The following MAGI1 variants were observed in gnomAD, a reference collection of about 807,000 sequenced individuals.
The protein encoded by MAGI1 is membrane-associated guanylate kinase, WW and PDZ domain-containing protein 1.
In MAGI1, 58 loss-of-function variants were observed where a neutral mutation model predicts 139.9. That is an observed-to-expected ratio of 0.41 (90% confidence interval 0.34 to 0.52). MAGI1 has a LOEUF of 0.52. MAGI1 is among the 20% of genes least tolerant of loss of function. MAGI1 has a pLI of 0.12. For synonymous variants in MAGI1, 812 were observed against 737.9 expected (o/e 1.10, Z -1.63); for missense variants, 1,874 against 1,901.6 (o/e 0.99, Z 0.27).
At chr3:65,965,992 C>T (rs1228590624) in intron 1 of MAGI1, among the ~76,000 whole-genome samples, 2 of 152,162 alleles carry the variant, frequency 1.3e-5, no homozygotes, top group Non-Finnish European at 2.9e-5. Flanking sequence ...TGGGTTACTT[C>T]TCAGAGATAG....
chr3:65,977,846 T>A (rs1242746567), intron 1 of MAGI1, among the ~76,000 whole-genome samples: 1 of 152,168 alleles, frequency 6.6e-6, no homozygotes, highest in Non-Finnish European at 1.5e-5. Context: ...TGCCACGTTC[T>A]TTGCCGCCTC....
intron 1 of MAGI1, among the ~76,000 whole-genome samples, chr3:65,671,689 C>T (rs1465358136): frequency 1.3e-5 from 2 of 152,060 alleles, no homozygotes; most frequent in African/African-American, 4.8e-5. Flanking sequence ...AGTTACTTGC[C>T]CTCTCTGTGC....
At chr3:65,930,834 G>A (rs930569256) in intron 1 of MAGI1, among the ~76,000 whole-genome samples, 3 of 152,148 alleles carry the variant, frequency 2.0e-5, no homozygotes, top group Non-Finnish European at 2.9e-5. Flanking sequence ...AAATGCCATG[G>A]CAACGTCAGG....
chr3:65,775,502 C>CCAAA (rs2038326282), intron 1 of MAGI1, among the ~76,000 whole-genome samples: 1 of 36,594 alleles, frequency 2.7e-5, no homozygotes, highest in Non-Finnish European at 4.5e-5. Context: ...CCCACTCTGC[C>CCAAA]AAAAAAAAAA....
chr3:65,946,247 A>C (rs1345300201), intron 1 of MAGI1, among the ~76,000 whole-genome samples: 1 of 152,224 alleles, frequency 6.6e-6, no homozygotes, highest in Non-Finnish European at 1.5e-5. Context: ...GGAATAAAAA[A>C]TGTGTTACTT....
chr3:65,506,609 C>CA (rs2077298193), intron 2 of MAGI1, among the ~76,000 whole-genome samples: 1 of 152,134 alleles, frequency 6.6e-6, no homozygotes, highest in Non-Finnish European at 1.5e-5. Flanking sequence ...ACAAAGTCAA[C>CA]ACATTCTATA....
intron 1 of MAGI1, among the ~76,000 whole-genome samples, chr3:65,663,927 G>A (rs547861031): frequency 6.6e-6 from 1 of 152,296 alleles, no homozygotes; most frequent in East Asian, 1.9e-4. Context: ...GCAAAGGAAT[G>A]ATAGTTACAG....
At chr3:65,761,584 G>A (rs1358760844) in intron 1 of MAGI1, among the ~76,000 whole-genome samples, 2 of 152,146 alleles carry the variant, frequency 1.3e-5, no homozygotes, top group Non-Finnish European at 2.9e-5. Context: ...GGGAGGTTAA[G>A]AGGAGCAAGC....
chr3:65,494,891 T>C (rs980998756), intron 2 of MAGI1, among the ~76,000 whole-genome samples: 2 of 152,094 alleles, frequency 1.3e-5, no homozygotes, highest in Non-Finnish European at 2.9e-5. Context: ...ACATAATTCT[T>C]CTATCTGAAA....
intron 2 of MAGI1, among the ~76,000 whole-genome samples, chr3:65,517,121 C>T (rs1316938277): frequency 6.6e-6 from 1 of 152,148 alleles, no homozygotes; most frequent in African/African-American, 2.4e-5. Flanking sequence ...TACCTGGCTT[C>T]ATATCTCATT....
At chr3:65,623,848 C>A (rs1275664984) in intron 1 of MAGI1, among the ~76,000 whole-genome samples, 1 of 152,096 alleles carries the variant, frequency 6.6e-6, no homozygotes, top group Non-Finnish European at 1.5e-5. Flanking sequence ...TTTCAAGTCA[C>A]CGAAAGGAAA....
chr3:65,844,050 A>G, intron 1 of MAGI1: 1 of 419,214 alleles, frequency 2.4e-6, no homozygotes, highest in Admixed American at 2.7e-5. Context: ...GTCACTTGAC[A>G]GAAGCAATGT....
chr3:65,561,712 G>A (rs541021247), intron 2 of MAGI1, among the ~76,000 whole-genome samples: 64 of 152,252 alleles, frequency 4.2e-4, no homozygotes, highest in African/African-American at 1.5e-3. Flanking sequence ...CACCTTCACT[G>A]AAAGAAAATC....
intron 1 of MAGI1, among the ~76,000 whole-genome samples, chr3:65,622,949 C>A (rs577026245): frequency 6.6e-6 from 1 of 152,320 alleles, no homozygotes; most frequent in South Asian, 2.1e-4. Context: ...AAGCACAATT[C>A]ATCCATATAA....
chr3:66,026,887 C>T (rs1033258696), intron 1 of MAGI1, among the ~76,000 whole-genome samples: 2 of 151,872 alleles, frequency 1.3e-5, no homozygotes, highest in East Asian at 1.9e-4. Flanking sequence ...AGCCTAAGAC[C>T]GGTGTCTCTA....
At chr3:65,739,319 T>A (rs1430549793) in intron 1 of MAGI1, among the ~76,000 whole-genome samples, 1 of 152,210 alleles carries the variant, frequency 6.6e-6, no homozygotes, top group Non-Finnish European at 1.5e-5. Flanking sequence ...ACTGGGGAGT[T>A]AGGGCCTTGC....
At chr3:65,960,948 A>G (rs551061446) in intron 1 of MAGI1, among the ~76,000 whole-genome samples, 13 of 152,360 alleles carry the variant, frequency 8.5e-5, no homozygotes, top group East Asian at 1.9e-4. Flanking sequence ...GCTCTAAGCT[A>G]TAAGTTCATC....
intron 1 of MAGI1, among the ~76,000 whole-genome samples, chr3:65,981,104 A>T (rs1294402020): frequency 6.7e-6 from 1 of 149,408 alleles, no homozygotes; most frequent in Non-Finnish European, 1.5e-5. Flanking sequence ...GAGGTTGCAG[A>T]TCACGCCACT....
At chr3:65,576,389 G>A (rs958024690) in intron 2 of MAGI1, among the ~76,000 whole-genome samples, 3 of 152,204 alleles carry the variant, frequency 2.0e-5, no homozygotes, top group Non-Finnish European at 2.9e-5. Flanking sequence ...TCAATCCTAC[G>A]TAGACAATGC....
Sources: gnomAD v4.1 joint callset for allele counts (sites outside exome capture counted in the v4.1 genomes callset) on GRCh38, gnomAD v4.1.1 for gene constraint, MANE v1.5 for transcripts, NCBI Gene and HGNC (gene_info 2026-07-23, HGNC 2026-07-21) for gene names.